CDH13: variants seen among roughly 807,000 people sequenced by gnomAD.
The protein encoded by CDH13 is cadherin 13, also known as cadherin-13.
Under a neutral mutation model 63.8 loss-of-function variants are expected in CDH13, and 24 were observed. That is an observed-to-expected ratio of 0.38 (90% CI 0.27 to 0.53). The LOEUF (loss-of-function observed/expected upper bound fraction) is 0.53. Among genes scored for constraint, CDH13 ranks in the 20% least tolerant of loss-of-function variants. CDH13 has a pLI of 0.85. For synonymous variants in CDH13, 503 were observed against 355.3 expected (o/e 1.42, Z -4.67); for missense variants, 1,049 against 903.1 (o/e 1.16, Z -2.07).
intron 6 of CDH13, among the ~76,000 whole-genome samples, chr16:83,447,767 A>G (rs2072755064): frequency 6.7e-6 from 1 of 149,128 alleles, no homozygotes; most frequent in East Asian, 1.9e-4. Context: ...TATATTAAAT[A>G]TTGATTTATT....
chr16:83,038,978 T>A (rs1917104192), intron 3 of CDH13, among the ~76,000 whole-genome samples: 1 of 152,184 alleles, frequency 6.6e-6, no homozygotes, highest in South Asian at 2.1e-4. Context: ...ACATTGGGTT[T>A]GGGAACTAAA....
intron 2 of CDH13, among the ~76,000 whole-genome samples, chr16:82,946,326 T>A (rs922871177): frequency 6.6e-6 from 1 of 152,116 alleles, no homozygotes; most frequent in African/African-American, 2.4e-5. Context: ...CTCAAAAATG[T>A]AAGTTCTAAC....
intron 11 of CDH13, among the ~76,000 whole-genome samples, chr16:83,766,115 C>T (rs889492): frequency 0.6 from 91,258 of 151,952 alleles, 28,157 homozygotes; most frequent in Admixed American, 0.68. Context: ...GGGACACTAG[C>T]CAAGGTCCCT....
chr16:82,796,324 C>T (rs1476727392), intron 1 of CDH13, among the ~76,000 whole-genome samples: 14 of 152,172 alleles, frequency 9.2e-5, no homozygotes, highest in Admixed American at 9.2e-4. Flanking sequence ...ATCATCTTTC[C>T]AATCTCGCTC....
At chr16:83,493,207 A>G (rs995066941) in intron 7 of CDH13, among the ~76,000 whole-genome samples, 5 of 152,202 alleles carry the variant, frequency 3.3e-5, no homozygotes, top group African/African-American at 4.8e-5. Flanking sequence ...TTGGTATTAG[A>G]TGTTTCCATG....
chr16:83,389,901 G>C (rs1001113657), intron 6 of CDH13, among the ~76,000 whole-genome samples: 7 of 152,210 alleles, frequency 4.6e-5, no homozygotes, highest in Non-Finnish European at 8.8e-5. Context: ...GACAGGGTCT[G>C]ATAACATCAA....
chr16:83,308,039 A>G (rs1336828780), intron 5 of CDH13, among the ~76,000 whole-genome samples: 7 of 152,208 alleles, frequency 4.6e-5, no homozygotes, highest in African/African-American at 1.7e-4. Context: ...TATTACCTCA[A>G]TCAGAAGCCA....
At chr16:83,656,441 C>A (rs993331793) in intron 8 of CDH13, among the ~76,000 whole-genome samples, 8 of 152,108 alleles carry the variant, frequency 5.3e-5, no homozygotes, top group African/African-American at 1.9e-4. Context: ...CACTTACAAT[C>A]CTGGATACAG....
intron 6 of CDH13, among the ~76,000 whole-genome samples, chr16:83,412,849 A>T (rs2092147986): frequency 6.6e-6 from 1 of 152,236 alleles, no homozygotes; most frequent in African/African-American, 2.4e-5. Flanking sequence ...GCTTTGGGAA[A>T]TTCCCAGAAC....
chr16:83,784,386 C>G (rs1424034163), intron 13 of CDH13, among the ~76,000 whole-genome samples: 1 of 152,132 alleles, frequency 6.6e-6, no homozygotes, highest in Admixed American at 6.5e-5. Flanking sequence ...AATCCCACCA[C>G]TTTGGGAGGT....
At chr16:83,345,095 T>C in intron 6 of CDH13, 89 bp downstream of exon 6, 1 of 1,428,336 alleles carries the variant, frequency 7.0e-7, no homozygotes, top group Non-Finnish European at 9.5e-7. Context: ...CTTATGGCTG[T>C]TCCAACTTGT....
intron 2 of CDH13, among the ~76,000 whole-genome samples, chr16:82,967,702 A>G (rs937298534): frequency 3.3e-5 from 5 of 152,168 alleles, no homozygotes; most frequent in African/African-American, 2.4e-5. Flanking sequence ...CAGTTGTTGC[A>G]TTTGTGGCAA....
chr16:83,661,612 G>C (rs1040572677), intron 8 of CDH13, among the ~76,000 whole-genome samples: 2 of 152,120 alleles, frequency 1.3e-5, no homozygotes, highest in African/African-American at 4.8e-5. Flanking sequence ...GACCTGCTTT[G>C]TTATGCAAGC....
At chr16:82,800,635 C>T (rs1006927464) in intron 1 of CDH13, among the ~76,000 whole-genome samples, 2 of 152,214 alleles carry the variant, frequency 1.3e-5, no homozygotes, top group African/African-American at 4.8e-5. Flanking sequence ...CTGGCCAGCT[C>T]TACATGATTT....
chr16:83,133,826 A>T (rs2036161054), intron 4 of CDH13, among the ~76,000 whole-genome samples: 1 of 152,118 alleles, frequency 6.6e-6, no homozygotes, highest in African/African-American at 2.4e-5. Flanking sequence ...TCTCTTTTAT[A>T]CATTGTTTAT....
intron 6 of CDH13, among the ~76,000 whole-genome samples, chr16:83,460,295 G>T (rs2073141447): frequency 2.0e-5 from 3 of 152,218 alleles, no homozygotes; most frequent in Admixed American, 6.5e-5. Context: ...CTGCTGTTCA[G>T]AGAGTAAATT....
intron 8 of CDH13, among the ~76,000 whole-genome samples, chr16:83,657,693 CTG>C (rs1457322011): frequency 1.3e-5 from 2 of 152,210 alleles, no homozygotes; most frequent in Non-Finnish European, 2.9e-5. Flanking sequence ...CTCCAGGAGA[CTG>C]TGATTTCCTT....
intron 10 of CDH13, among the ~76,000 whole-genome samples, chr16:83,697,773 G>A (rs151252768): frequency 6.6e-6 from 1 of 152,164 alleles, no homozygotes; most frequent in African/African-American, 2.4e-5. Context: ...TCAGCCTCCT[G>A]AGTAGCTGGG....
At chr16:83,407,837 T>C (rs1376711906) in intron 6 of CDH13, among the ~76,000 whole-genome samples, 1 of 152,178 alleles carries the variant, frequency 6.6e-6, no homozygotes, top group Non-Finnish European at 1.5e-5. Flanking sequence ...CTTTTTGTAA[T>C]TGACTTACAA....
Sources: allele counts gnomAD v4.1 joint callset (sites outside exome capture counted in the v4.1 genomes callset), GRCh38; gene constraint gnomAD v4.1.1; transcripts MANE v1.5; gene names NCBI Gene and HGNC (gene_info 2026-07-23, HGNC 2026-07-21).